Variants in PDE1C observed in about 807,000 individuals in gnomAD.
PDE1C encodes dual specificity calcium/calmodulin-dependent 3',5'-cyclic nucleotide phosphodiesterase 1C.
Under a neutral mutation model 93.1 loss-of-function variants are expected in PDE1C, and 62 were observed. The observed-to-expected ratio is 0.67, with a 90% CI of 0.54 to 0.82. PDE1C has a LOEUF of 0.82. Among genes scored for constraint, PDE1C ranks in the 40% least tolerant of loss-of-function variants. The pLI is 0.00. For synonymous variants in PDE1C, 325 were observed against 310.1 expected (o/e 1.05, Z -0.50); for missense variants, 742 against 884.6 (o/e 0.84, Z 2.04).
chr7:32,182,548 C>T (rs1005918303), intron 2 of PDE1C, among the ~76,000 whole-genome samples: 4 of 152,272 alleles, frequency 2.6e-5, no homozygotes, highest in Admixed American at 6.5e-5. Flanking sequence ...ATGATAAAAA[C>T]CACATGGTTA....
intron 2 of PDE1C, among the ~76,000 whole-genome samples, chr7:31,906,747 G>T (rs940379516): frequency 2.6e-5 from 4 of 152,130 alleles, no homozygotes; most frequent in Non-Finnish European, 5.9e-5. Context: ...CCAAAGCCTG[G>T]CTTTTGCATT....
At chr7:31,685,474 A>T in the PDE1C span, among the ~76,000 whole-genome samples, 2 of 152,134 alleles carry the variant, frequency 1.3e-5, no homozygotes, top group Non-Finnish European at 2.9e-5. Flanking sequence ...TATTACCTCA[A>T]AACAGTTTAA....
At chr7:32,265,779 T>G (rs7780674) in intron 1 of PDE1C, among the ~76,000 whole-genome samples, 31,149 of 152,120 alleles carry the variant, frequency 0.2, 4,298 homozygotes, top group Admixed American at 0.35. Flanking sequence ...CTGTCAGAAA[T>G]GAAGAACACT....
chr7:32,186,616 A>G (rs943557325), intron 2 of PDE1C, among the ~76,000 whole-genome samples: 4 of 152,130 alleles, frequency 2.6e-5, no homozygotes, highest in African/African-American at 9.7e-5. Flanking sequence ...CTAGGTAACA[A>G]TATAGTCATT....
intron 2 of PDE1C, among the ~76,000 whole-genome samples, chr7:32,182,122 G>T (rs575967114): frequency 6.6e-6 from 1 of 152,132 alleles, no homozygotes. Context: ...TCTCTGAATA[G>T]ACCAATAACA....
At chr7:31,790,052 C>G (rs544989109) in intron 16 of PDE1C, 3 of 1,390,528 alleles carry the variant, frequency 2.2e-6, no homozygotes, top group Admixed American at 6.3e-5. Context: ...AACCAACCCC[C>G]AAAGATTCAT....
At chr7:32,337,522 A>G (rs577844419) in intron 1 of PDE1C, among the ~76,000 whole-genome samples, 1 of 152,226 alleles carries the variant, frequency 6.6e-6, no homozygotes, top group Non-Finnish European at 1.5e-5. Flanking sequence ...GGGGAAACTT[A>G]CAAGTTGGCA....
At chr7:31,666,645 C>T in the PDE1C span, among the ~76,000 whole-genome samples, 1 of 152,054 alleles carries the variant, frequency 6.6e-6, no homozygotes, top group Non-Finnish European at 1.5e-5. Context: ...GTAAATTCAT[C>T]CTTTATGGTG....
intron 1 of PDE1C, among the ~76,000 whole-genome samples, chr7:32,274,498 G>C (rs913374655): frequency 1.1e-4 from 16 of 151,208 alleles, no homozygotes; most frequent in African/African-American, 3.6e-4. Context: ...GTGAGCCACC[G>C]CACCTAATAG....
chr7:31,849,545 C>A (rs1793064367), intron 8 of PDE1C, among the ~76,000 whole-genome samples: 2 of 152,292 alleles, frequency 1.3e-5, no homozygotes, highest in Non-Finnish European at 1.5e-5. Flanking sequence ...AGAGATCAGA[C>A]AATATTGTCT....
intron 2 of PDE1C, among the ~76,000 whole-genome samples, chr7:32,207,688 G>A (rs936488943): frequency 5.3e-5 from 8 of 151,984 alleles, no homozygotes; most frequent in Admixed American, 2.6e-4. Flanking sequence ...ACACAGATAC[G>A]TGTTCATCAT....
intron 1 of PDE1C, among the ~76,000 whole-genome samples, chr7:32,262,284 C>T (rs1288653404): frequency 6.6e-6 from 1 of 151,988 alleles, no homozygotes; most frequent in Admixed American, 6.6e-5. Flanking sequence ...AGTCTGTGGC[C>T]CCCTCCTATC....
intron 1 of PDE1C, among the ~76,000 whole-genome samples, chr7:32,334,663 G>T (rs215642): frequency 0.95 from 143,742 of 150,646 alleles, 68,721 homozygotes; most frequent in East Asian, 1. Flanking sequence ...AGTTGTATTT[G>T]CAAAGAATAT....
intron 1 of PDE1C, among the ~76,000 whole-genome samples, chr7:32,281,848 A>C (rs1811653548): frequency 6.6e-6 from 1 of 152,168 alleles, no homozygotes; most frequent in South Asian, 2.1e-4. Context: ...CAGCCATAAA[A>C]AGGATGAGTT....
At chr7:31,778,543 CATAAACATCCTCCAGATGGTGACAAAT>C (rs1057364830) in intron 16 of PDE1C, among the ~76,000 whole-genome samples, 67 of 152,294 alleles carry the variant, frequency 4.4e-4, no homozygotes, top group African/African-American at 1.6e-3. Context: ...TCATGACGAT[CATAAACATCCTCCAGATGGTGACAAAT>C]ATCCTCTAGA....
intron 1 of PDE1C, among the ~76,000 whole-genome samples, chr7:32,418,485 T>C (rs1322571673): frequency 2.0e-5 from 3 of 152,216 alleles, no homozygotes; most frequent in Non-Finnish European, 4.4e-5. Context: ...CTATGAAATA[T>C]AATGATATGA....
rs572034177 is a variant in PDE1C at position 32,406,592 on chromosome 7, G to T, written c.310+21230C>A. Among the ~76,000 whole-genome samples, 6 of 151,998 alleles carry T rather than the reference G, an allele frequency of 3.9e-5. No homozygotes were observed. In the East Asian group the frequency reaches 5.8e-4, roughly 15 times the overall value. On this transcript the variant is annotated intron_variant, in intron 1 of 1. Transcript: ENST00000672256. ...CCAATTGTATAAAATGCTGAGCAAG[G>T]TTAATGAAAAGCAATATTTTTCAGA... is the stretch of plus-strand genomic sequence containing the variant.
At chr7:32,137,028 A>G (rs551651817) in intron 3 of PDE1C, among the ~76,000 whole-genome samples, 1 of 152,336 alleles carries the variant, frequency 6.6e-6, no homozygotes, top group South Asian at 2.1e-4. Context: ...TCTTGATCAC[A>G]GAATCATGTA....
intron 1 of PDE1C, among the ~76,000 whole-genome samples, chr7:32,068,626 CTG>C (rs941171911): frequency 5.3e-5 from 8 of 151,664 alleles, no homozygotes; most frequent in African/African-American, 1.9e-4. Context: ...AGATATGAAA[CTG>C]AGAAAGCTAC....
Sources: allele counts gnomAD v4.1 joint callset (sites outside exome capture counted in the v4.1 genomes callset), GRCh38; gene constraint gnomAD v4.1.1; transcripts MANE v1.5; gene names NCBI Gene and HGNC (gene_info 2026-07-23, HGNC 2026-07-21).